SLBP: variants seen among roughly 807,000 people sequenced by gnomAD.
SLBP encodes histone RNA hairpin-binding protein.
SLBP carries 29 observed loss-of-function variants against 39.2 expected under a neutral mutation model. That is an observed-to-expected ratio of 0.74 (90% confidence interval 0.55 to 1.01). The LOEUF (loss-of-function observed/expected upper bound fraction) is 1.01. Among genes scored for constraint, SLBP ranks in the 50% least tolerant of loss-of-function variants. The pLI, the probability that SLBP is intolerant of heterozygous loss-of-function variation, is 0.00. For synonymous variants in SLBP, 129 were observed against 118.7 expected, an observed-to-expected ratio of 1.09 and a Z score of -0.57; for missense variants, 390 against 350.2, an observed-to-expected ratio of 1.11 and a Z score of -0.91.
At chr4:1,712,060 A>C in intron 1 of SLBP, 70 bp from the exon 2 acceptor site, 2 of 1,233,106 alleles carry the variant, frequency 1.6e-6, no homozygotes, top group Non-Finnish European at 2.0e-6. Flanking sequence ...GCCCTCCCAC[A>C]CCCCGGCCCC....
intron 5 of SLBP, among the ~76,000 whole-genome samples, chr4:1,697,332 G>T (rs1172246643): frequency 6.6e-6 from 1 of 151,442 alleles, no homozygotes; most frequent in Non-Finnish European, 1.5e-5. Context: ...AGCCAGGCGT[G>T]GTGGTAGACA....
chr4:1,701,264 G>GC (rs1159150091), intron 3 of SLBP, among the ~76,000 whole-genome samples: 1 of 149,192 alleles, frequency 6.7e-6, no homozygotes, highest in Non-Finnish European at 1.5e-5. Context: ...TCCTGCCTCA[G>GC]CCTCCTGAGT....
intron 3 of SLBP, among the ~76,000 whole-genome samples, chr4:1,700,484 A>AG (rs1175279063): frequency 6.6e-6 from 1 of 151,700 alleles, no homozygotes; most frequent in Non-Finnish European, 1.5e-5. Flanking sequence ...CAAAAAAAAA[A>AG]GTATGACATC....
At chr4:1,695,290 T>C (rs951207896) in intron 6 of SLBP, among the ~76,000 whole-genome samples, 1 of 152,128 alleles carries the variant, frequency 6.6e-6, no homozygotes, top group African/African-American at 2.4e-5. Flanking sequence ...CATGCCAGTC[T>C]CTAAAAAATT....
intron 3 of SLBP, among the ~76,000 whole-genome samples, chr4:1,701,146 C>CTTTTTTTTTT (rs369039404): frequency 1.2e-4 from 15 of 123,678 alleles, no homozygotes; most frequent in East Asian, 2.4e-4. Flanking sequence ...TCTTTTTTTT[C>CTTTTTTTTTT]TTTTTTTTTT....
At chr4:1,703,572 T>G in intron 3 of SLBP, 24 bp downstream of exon 3, 1 of 1,417,862 alleles carries the variant, frequency 7.1e-7, no homozygotes, top group Non-Finnish European at 1.0e-6. Context: ...AGATTAACAC[T>G]TCAAGGTGGT....
At chr4:1,694,889 C>T in intron 6 of SLBP, 49 bp from the exon 7 acceptor site, 11 of 1,315,996 alleles carry the variant, frequency 8.4e-6, no homozygotes, top group African/African-American at 7.2e-5. Context: ...TTAACAAAGC[C>T]AGGAGACGGG....
At chr4:1,710,987 G>A (rs2108667109) in intron 2 of SLBP, among the ~76,000 whole-genome samples, 1 of 150,704 alleles carries the variant, frequency 6.6e-6, no homozygotes, top group South Asian at 2.1e-4. Flanking sequence ...GGAGGGGGAG[G>A]CTGCAGTGAG....
rs990937084 is a variant in SLBP at position 1,696,358 on chromosome 4, G to A, written c.480-7C>T. 1.3e-6 allele frequency: 2 copies of A among 1,557,836 alleles called. No individual in the cohort carries two copies. Among genetic ancestry groups the A allele is most frequent in the East Asian group, 2.4e-5 (1 of 41,112 alleles). Reference sequence around the variant, plus strand: ...GCCAGGTTGTCGAAGGTGTCTACAGGAGAAAGATTATTCTAGCACATGCCC... The same window carrying A: ...GCCAGGTTGTCGAAGGTGTCTACAGAAGAAAGATTATTCTAGCACATGCCC... On this transcript the variant is annotated splice_region_variant and splice_polypyrimidine_tract_variant and intron_variant, in intron 5 of 7. Coordinates refer to ENST00000489418, the MANE Select transcript of SLBP (RefSeq NM_006527.4).
At chr4:1,696,474 GGCTCATGCCTGTA>G in intron 5 of SLBP, 123 bp from the exon 6 acceptor site, 3 of 806,548 alleles carry the variant, frequency 3.7e-6, no homozygotes, top group Non-Finnish European at 5.5e-6. Context: ...CAGGCATGGT[GGCTCATGCCTGTA>G]ATCCTAGCAT....
Position 1,712,239 on chromosome 4 carries a change from G to A in SLBP, c.-51C>T. The A allele has an allele frequency of 8.6e-7, 1 of 1,161,266 alleles. No individual in the cohort carries two copies. Among genetic ancestry groups the A allele is most frequent in the Non-Finnish European group, 1.1e-6 (1 of 906,516 alleles). 71.9% of individuals were successfully genotyped at this position (1,161,266 alleles called of 1,614,324 possible). ...CAGGGCCGAGGCTGAGGCGGCGGCG[G>A]CGCGGGCAGAGAGCGCAGAGTAGAG... On this transcript the variant is annotated 5_prime_UTR_variant, in exon 1 of 8. Transcript: ENST00000489418.
chr4:1,694,675 G>C (rs1716039990), intron 7 of SLBP, 99 bp downstream of exon 7: 3 of 864,878 alleles, frequency 3.5e-6, no homozygotes, highest in Non-Finnish European at 6.0e-6. Context: ...ACAGGCGTGA[G>C]CCACCGTGCC....
chr4:1,711,051 TAAAAA>T (rs34503092), intron 2 of SLBP, among the ~76,000 whole-genome samples: 17 of 121,496 alleles, frequency 1.4e-4, no homozygotes, highest in East Asian at 2.4e-4. Context: ...ACCCTGTCTT[TAAAAA>T]AAAAAAAAAA....
At chr4:1,697,876 C>T (rs545948048) in intron 5 of SLBP, among the ~76,000 whole-genome samples, 2 of 152,020 alleles carry the variant, frequency 1.3e-5, no homozygotes, top group African/African-American at 4.8e-5. Flanking sequence ...CAGTGGCTCA[C>T]GCTTGTAATC....
In SLBP at chr4:1,711,909, C is replaced by T. The variant is rs2108668491; in HGVS notation, c.141G>A (p.Glu47=). 1 of 1,366,846 alleles carries T rather than the reference C, an allele frequency of 7.3e-7. No individual in the cohort carries two copies. 84.7% of individuals were successfully genotyped at this position (1,366,846 alleles called of 1,614,324 possible). A position where few individuals can be genotyped will look rare whatever the true frequency, so the allele number is the denominator to read the frequency against. Reference sequence around the variant, plus strand: ...TGCGCTCGGCGCCGCGGTGCTCTGCCTCCTCGGCGTCTTCGGGCCTCCAGC... The same window carrying T: ...TGCGCTCGGCGCCGCGGTGCTCTGCTTCCTCGGCGTCTTCGGGCCTCCAGC... ...GRRWRPEDAE[E]AEHRGAERRP... Residue 47 remains glutamate (E), a synonymous_variant, in exon 2 of 8, where the codon GAG becomes GAA. Transcript: ENST00000489418.
chr4:1,706,999 C>G (rs1157600242), intron 2 of SLBP, among the ~76,000 whole-genome samples: 1 of 151,332 alleles, frequency 6.6e-6, no homozygotes, highest in Non-Finnish European at 1.5e-5. Flanking sequence ...GCGGGTGGAT[C>G]ATGAGGTCAG....
chr4:1,704,999 C>G (rs764027542), intron 2 of SLBP, among the ~76,000 whole-genome samples: 1 of 152,042 alleles, frequency 6.6e-6, no homozygotes, highest in Non-Finnish European at 1.5e-5. Flanking sequence ...ATGATCTCAG[C>G]TCACTGCAAC....
intron 5 of SLBP, among the ~76,000 whole-genome samples, chr4:1,696,864 T>G (rs570109506): frequency 6.9e-6 from 1 of 144,040 alleles, no homozygotes; most frequent in African/African-American, 2.6e-5. Context: ...GCCACTGCAC[T>G]CCAGCATGGG....
Position 1,693,633 on chromosome 4 carries a change from TA to T in SLBP, c.776del (p.Leu259Ter), listed in dbSNP as rs1715997921. On this transcript the variant is annotated frameshift_variant, in exon 8 of 8. Transcript: ENST00000489418. LOFTEE classifies it high-confidence loss of function. ...CTGAGAAGTCTCTCAAGGGTTCAGT[TA>T]AACAAGCTTCCAAATCAAACTCATC... ...VEDEFDLEACLTEPLRDFSAM... is the reference protein window; with the variant it reads ...VEDEFDLEACXTEPLRDFSAM... 1 of 1,613,914 alleles carries T rather than the reference TA, an allele frequency of 6.2e-7. No individual in the cohort carries two copies. Among genetic ancestry groups the T allele is most frequent in the Non-Finnish European group, 8.5e-7 (1 of 1,179,822 alleles).
Sources: allele counts gnomAD v4.1 joint callset (sites outside exome capture counted in the v4.1 genomes callset), GRCh38; gene constraint gnomAD v4.1.1; transcripts MANE v1.5; gene names NCBI Gene and HGNC (gene_info 2026-07-23, HGNC 2026-07-21).